Variants in LDAF1 observed in about 807,000 individuals in gnomAD.
LDAF1 encodes the protein lipid droplet assembly factor 1.
Under a neutral mutation model 13.5 loss-of-function variants are expected in LDAF1, and 7 were observed. The observed-to-expected ratio is 0.52, with a 90% CI of 0.29 to 0.97. LDAF1 has a LOEUF of 0.97. Ranked by LOEUF, LDAF1 falls within the 50% of genes least tolerant of loss-of-function variation. LDAF1 has a pLI of 0.07. For synonymous variants in LDAF1, 69 were observed against 77.1 expected (o/e 0.89, Z 0.55); for missense variants, 148 against 193.2 (o/e 0.77, Z 1.39).
At chr16:21,167,426 C>T (rs1453041792) in intron 2 of LDAF1, among the ~76,000 whole-genome samples, 3 of 152,180 alleles carry the variant, frequency 2.0e-5, no homozygotes, top group African/African-American at 4.8e-5. Context: ...AGAGAGAAGG[C>T]GTGGAGCCTA....
intron 4 of LDAF1, chr16:21,178,397 G>C (rs1186672042): frequency 1.1e-5 from 11 of 985,026 alleles, no homozygotes; most frequent in Non-Finnish European, 1.3e-5. Context: ...TTAGTTTTTT[G>C]TTATCAGGGA....
chr16:21,176,825 G>A (rs1435856014), intron 4 of LDAF1, among the ~76,000 whole-genome samples: 3 of 151,156 alleles, frequency 2.0e-5, no homozygotes, highest in Non-Finnish European at 1.5e-5. Context: ...GCCTGAGCCT[G>A]GGAGGTTGGG....
intron 3 of LDAF1, 100 bp from the exon 4 acceptor site, chr16:21,173,910 T>C (rs923779746): frequency 8.4e-6 from 10 of 1,196,312 alleles, no homozygotes; most frequent in African/African-American, 3.2e-5. Flanking sequence ...ACTTTAATAA[T>C]CTGAGTTAGC....
intron 4 of LDAF1, chr16:21,177,423 T>C (rs1014539189): frequency 1.3e-5 from 2 of 152,200 alleles, no homozygotes; most frequent in Non-Finnish European, 2.9e-5. Flanking sequence ...TAAATTGATC[T>C]TTATCATGCA....
intron 3 of LDAF1, among the ~76,000 whole-genome samples, chr16:21,173,102 G>A (rs1011353231): frequency 6.6e-6 from 1 of 152,022 alleles, no homozygotes; most frequent in African/African-American, 2.4e-5. Context: ...GAGTGGGAAT[G>A]GTATATTAAA....
intron 1 of LDAF1, chr16:21,160,023 G>C: frequency 1.1e-6 from 1 of 948,756 alleles, no homozygotes; most frequent in Non-Finnish European, 1.3e-6. Context: ...AGTAGCAGAG[G>C]ATGTCTAGCT....
intron 2 of LDAF1, 134 bp downstream of exon 2, chr16:21,161,412 C>A: frequency 9.3e-7 from 1 of 1,069,908 alleles, no homozygotes; most frequent in Non-Finnish European, 1.3e-6. Context: ...ACCGCCCTGC[C>A]ATGTCTATGC....
intron 3 of LDAF1, 142 bp from the exon 4 acceptor site, chr16:21,173,868 T>A: frequency 1.1e-6 from 1 of 905,844 alleles, no homozygotes; most frequent in Non-Finnish European, 1.6e-6. Flanking sequence ...TAAGTGATGC[T>A]AGAAATCTGG....
chr16:21,161,559 G>A (rs778370122), intron 2 of LDAF1, among the ~76,000 whole-genome samples: 3 of 152,170 alleles, frequency 2.0e-5, no homozygotes, highest in Admixed American at 6.6e-5. Flanking sequence ...TCTGGGAGTC[G>A]CACACAATAC....
chr16:21,159,844 C>T (rs1259827389), intron 1 of LDAF1: 1 of 939,968 alleles, frequency 1.1e-6, no homozygotes, highest in African/African-American at 1.8e-5. Flanking sequence ...AAGGGGAACT[C>T]CGCTTGTTTC....
chr16:21,171,138 T>C (rs965302956), intron 3 of LDAF1, among the ~76,000 whole-genome samples: 2 of 152,232 alleles, frequency 1.3e-5, no homozygotes, highest in African/African-American at 4.8e-5. Context: ...ACCTACTGCA[T>C]GCCAGATGCC....
intron 2 of LDAF1, chr16:21,166,764 C>A: frequency 1.6e-6 from 2 of 1,279,502 alleles, no homozygotes; most frequent in Non-Finnish European, 2.2e-6. Context: ...AAGTCAGGAC[C>A]TGAGACAGCG....
chr16:21,166,284 G>A (rs192015377), intron 2 of LDAF1, among the ~76,000 whole-genome samples: 1 of 151,900 alleles, frequency 6.6e-6, no homozygotes, highest in East Asian at 1.9e-4. Flanking sequence ...TACACTTAAA[G>A]CACATCTCAA....
chr16:21,162,300 AC>A (rs1165492347), intron 2 of LDAF1, among the ~76,000 whole-genome samples: 1 of 149,840 alleles, frequency 6.7e-6, no homozygotes, highest in African/African-American at 2.5e-5. Context: ...CCTCTTCAAA[AC>A]CCCCCGTGCG....
At chr16:21,166,810 A>C in intron 2 of LDAF1, 1 of 1,533,904 alleles carries the variant, frequency 6.5e-7, no homozygotes, top group African/African-American at 1.4e-5. Context: ...GGTGACTCCC[A>C]CGGCTCCTCC....
intron 2 of LDAF1, among the ~76,000 whole-genome samples, chr16:21,162,591 G>GTA: frequency 6.6e-6 from 1 of 152,102 alleles, no homozygotes; most frequent in Admixed American, 6.6e-5. Flanking sequence ...ATTTTGTGGT[G>GTA]TATTTTTTTT....
At chr16:21,165,527 T>C in intron 2 of LDAF1, 1 of 939,724 alleles carries the variant, frequency 1.1e-6, no homozygotes, top group Non-Finnish European at 1.3e-6. Context: ...GTATTCCTTC[T>C]TTTGTCATTC....
At position 21,173,776 on chromosome 16, in the gene LDAF1, G is replaced by A. The variant is rs1333524473; in HGVS notation, c.266-234G>A. The stretch of plus-strand genomic sequence containing the variant: ...ATGTGTGATGCAGTTTGGGAATTGG[G>A]GGGACTGGAGGCAACGGGAGGGCCA... On this transcript the variant is annotated intron_variant, in intron 3 of 4. Coordinates refer to ENST00000233047, the MANE Select transcript of LDAF1 (RefSeq NM_001301771.2). Among the ~76,000 whole-genome samples the A allele has an allele frequency of 2.0e-5, 3 of 152,158 alleles. 1 individual carries two copies. The highest frequency in any genetic ancestry group is 2.0e-4 in the Admixed American group (3 of 15,270).
rs189557627 is a variant in LDAF1 at position 21,174,890 on chromosome 16, C to T, written c.404+742C>T. 4.6e-5 allele frequency among the ~76,000 whole-genome samples: 7 copies of T among 152,224 alleles called. No individual in the cohort carries two copies. In the East Asian group the frequency reaches 1.4e-3, roughly 29 times the overall value. ...TTCTGTCCCCAAAGTCTGTCAATCC[C>T]CTCTGCTCTTGAGAATGTGAGTTTC... On this transcript the variant is annotated intron_variant, in intron 4 of 4. Coordinates refer to ENST00000233047, the MANE Select transcript of LDAF1 (RefSeq NM_001301771.2).
Sources: gnomAD v4.1 joint callset for allele counts (sites outside exome capture counted in the v4.1 genomes callset) on GRCh38, gnomAD v4.1.1 for gene constraint, MANE v1.5 for transcripts, NCBI Gene and HGNC (gene_info 2026-07-23, HGNC 2026-07-21) for gene names.